Variants in FNBP1L observed in about 807,000 individuals in gnomAD.
FNBP1L encodes formin-binding protein 1-like.
FNBP1L carries 36 observed loss-of-function variants against 91.2 expected under a neutral mutation model. The ratio of observed to expected loss-of-function variants is 0.39; its 90% confidence interval spans 0.30 to 0.52. FNBP1L has a LOEUF of 0.52. Among genes scored for constraint, FNBP1L ranks in the 20% least tolerant of loss-of-function variants. The pLI, the probability that FNBP1L is intolerant of heterozygous loss-of-function variation, is 0.66. For missense variants in FNBP1L, 571 were observed against 732.1 expected, an observed-to-expected ratio of 0.78 and a Z score of 2.54; for synonymous variants, 242 against 237.0, an observed-to-expected ratio of 1.02 and a Z score of -0.19.
chr1:93,504,641 C>T (rs979566530), intron 2 of FNBP1L, among the ~76,000 whole-genome samples: 5 of 152,186 alleles, frequency 3.3e-5, no homozygotes, highest in Non-Finnish European at 5.9e-5. Context: ...TCCAGTTAGT[C>T]CACATCCTTG....
intron 1 of FNBP1L, among the ~76,000 whole-genome samples, chr1:93,471,200 A>G (rs1486046369): frequency 6.6e-6 from 1 of 152,172 alleles, no homozygotes; most frequent in Non-Finnish European, 1.5e-5. Context: ...CTGGTTGAGC[A>G]TTCCTAATCA....
intron 1 of FNBP1L, among the ~76,000 whole-genome samples, chr1:93,474,787 G>T (rs947176977): frequency 3.3e-5 from 5 of 152,106 alleles, no homozygotes; most frequent in Non-Finnish European, 7.4e-5. Context: ...AGCCATTCTT[G>T]TTTTTTTGTT....
At position 93,544,243 on chromosome 1, in the gene FNBP1L, CATT is replaced by C. The variant is rs1557820769; in HGVS notation, c.1274+34_1274+36del. ...TATTATTCCTTTAAGTTTTCTCTAT[CATT>C]ATTATTTTAGGATCTACTTTGAGTG... On this transcript the variant is annotated intron_variant, in intron 12 of 16. Transcript: ENST00000271234. The C allele has an allele frequency of 4.6e-6, 7 of 1,526,090 alleles. 1 individual carries two copies. Among genetic ancestry groups the C allele is most frequent in the South Asian group, 1.2e-5 (1 of 85,254 alleles). 94.5% of individuals were successfully genotyped at this position (1,526,090 alleles called of 1,614,324 possible). A position where few individuals can be genotyped will look rare whatever the true frequency, so the allele number is the denominator to read the frequency against.
At chr1:93,480,940 T>G (rs898230108) in intron 1 of FNBP1L, among the ~76,000 whole-genome samples, 1 of 152,152 alleles carries the variant, frequency 6.6e-6, no homozygotes, top group African/African-American at 2.4e-5. Flanking sequence ...CCAGATTGTA[T>G]CTCACATCTT....
At chr1:93,507,101 A>ACT (rs1670655515) in intron 2 of FNBP1L, among the ~76,000 whole-genome samples, 7 of 56,708 alleles carry the variant, frequency 1.2e-4, no homozygotes, top group Middle Eastern at 8.5e-3. Context: ...ACACACACAC[A>ACT]CACACACTCT....
intron 10 of FNBP1L, among the ~76,000 whole-genome samples, chr1:93,538,928 T>C (rs1364303948): frequency 6.6e-6 from 1 of 152,024 alleles, no homozygotes. Context: ...ATGAAAAATG[T>C]TTTTGAGTTT....
At chr1:93,539,784 A>G (rs973927583) in intron 10 of FNBP1L, among the ~76,000 whole-genome samples, 1 of 152,108 alleles carries the variant, frequency 6.6e-6, no homozygotes, top group South Asian at 2.1e-4. Flanking sequence ...TTGTTTCTCA[A>G]AAATACTGAC....
intron 10 of FNBP1L, among the ~76,000 whole-genome samples, chr1:93,540,662 TTTAATC>T (rs1352653424): frequency 6.6e-6 from 1 of 152,120 alleles, no homozygotes; most frequent in African/African-American, 2.4e-5. Flanking sequence ...TTTTTAAATG[TTTAATC>T]TTAGAGTTCA....
rs376446020 is a variant in FNBP1L at position 93,534,634 on chromosome 1, A to T, written c.787-71A>T. The stretch of plus-strand genomic sequence containing the variant: ...TATATTTGTTGTTTTTTTGTACTGA[A>T]AAAGTTATGAAAGCTGATGTAGAAT... On this transcript the variant is annotated intron_variant, in intron 8 of 16. Transcript: ENST00000271234. 7.9e-6 allele frequency: 8 copies of T among 1,016,820 alleles called. No individual in the cohort carries two copies. The Admixed American group carries it at 2.2e-4, about 28-fold the overall frequency. 63.0% of individuals were successfully genotyped at this position (1,016,820 alleles called of 1,614,324 possible). A position where few individuals can be genotyped will look rare whatever the true frequency, so the allele number is the denominator to read the frequency against.
intron 1 of FNBP1L, among the ~76,000 whole-genome samples, chr1:93,484,442 G>T (rs947826380): frequency 6.6e-6 from 1 of 152,156 alleles, no homozygotes; most frequent in Non-Finnish European, 1.5e-5. Flanking sequence ...AGAGAGAGAT[G>T]GTGCAAAGGG....
intron 11 of FNBP1L, among the ~76,000 whole-genome samples, chr1:93,542,498 CA>C (rs35216153): frequency 0.028 from 3,950 of 140,350 alleles, 82 homozygotes; most frequent in Non-Finnish European, 0.039. Context: ...TTTTTTCTAG[CA>C]AGCTTGTTGA....
chr1:93,515,877 C>T (rs945176381), intron 2 of FNBP1L, among the ~76,000 whole-genome samples: 4 of 151,924 alleles, frequency 2.6e-5, no homozygotes, highest in African/African-American at 9.7e-5. Context: ...AGCTAACTTG[C>T]ACATTGTGCA....
chr1:93,487,414 T>C (rs998707328), intron 1 of FNBP1L, among the ~76,000 whole-genome samples: 3 of 152,184 alleles, frequency 2.0e-5, no homozygotes, highest in African/African-American at 7.2e-5. Flanking sequence ...TTTCAACTCT[T>C]ACAGTCTGAA....
chr1:93,507,122 C>G (rs1370569094), intron 2 of FNBP1L, among the ~76,000 whole-genome samples: 5 of 142,978 alleles, frequency 3.5e-5, no homozygotes. Context: ...CTCTCTCTCT[C>G]TCTCTCTCTC....
rs1668849076 is a variant in FNBP1L, at chr1:93,461,214, C to G, written c.24+12909C>G. ...TTTAAAGGAATTTTGCTTGTTTACG[C>G]TGGAGTGTTCAGATCCCTTTTTTCT... On this transcript the variant is annotated intron_variant, in intron 1 of 16. Coordinates refer to ENST00000271234, the MANE Select transcript of FNBP1L (RefSeq NM_001164473.3). Among the ~76,000 whole-genome samples the G allele has an allele frequency of 5.3e-5, 8 of 152,154 alleles. No homozygotes were observed. In the South Asian group the frequency reaches 1.7e-3, roughly 32 times the overall value.
chr1:93,507,140 CTCTCTCTCTCTT>C (rs1670663602), intron 2 of FNBP1L, among the ~76,000 whole-genome samples: 2 of 146,652 alleles, frequency 1.4e-5, no homozygotes, highest in African/African-American at 2.5e-5. Context: ...CTCTCTCTCT[CTCTCTCTCTCTT>C]TCTCTCCGTC....
chr1:93,532,933 A>T lies in FNBP1L; in HGVS notation c.651A>T (p.Glu217Asp), dbSNP rs938038511. The T allele has an allele frequency of 6.2e-7, 1 of 1,601,100 alleles. No homozygotes were observed. The highest frequency in any genetic ancestry group is 1.3e-5 in the African/African-American group (1 of 74,564). The change falls in exon 8 of 17, where the codon GAA (glutamate) becomes GAT (aspartate). Residue 217 changes from glutamate (E) to aspartate (D), a missense_variant. Around this residue, in one of 5 missense-constraint regions of FNBP1L, gnomAD observed 220 missense variants for 313.6 expected, o/e 0.70. Coordinates refer to ENST00000271234, the MANE Select transcript of FNBP1L (RefSeq NM_001164473.3). ...VIPQIYKQLQ[E>D]MDERRTIKLS... ...TTCTTGATTATTAGCAACTACAAGAAATGGACGAACGAAGGACTATTAAAC... is the reference window on the plus strand; with the variant it reads ...TTCTTGATTATTAGCAACTACAAGATATGGACGAACGAAGGACTATTAAAC...
At chr1:93,550,915 C>T in intron 15 of FNBP1L, 32 bp from the exon 16 acceptor site, 2 of 1,493,072 alleles carry the variant, frequency 1.3e-6, no homozygotes, top group Non-Finnish European at 9.0e-7. Context: ...TATCACAATG[C>T]TTAAATTATG....
intron 1 of FNBP1L, among the ~76,000 whole-genome samples, chr1:93,470,317 A>G (rs948157350): frequency 7.2e-5 from 11 of 152,022 alleles, no homozygotes; most frequent in Admixed American, 7.2e-4. Flanking sequence ...GTGTGGATAC[A>G]GGGTCTCTTT....
Sources: allele counts gnomAD v4.1 joint callset (sites outside exome capture counted in the v4.1 genomes callset), GRCh38; gene constraint gnomAD v4.1.1; regional missense constraint gnomAD v4.1.1; transcripts MANE v1.5; gene names NCBI Gene and HGNC (gene_info 2026-07-23, HGNC 2026-07-21).